Variants in FHIT observed in about 807,000 individuals in gnomAD.
FHIT encodes fragile histidine triad diadenosine triphosphatase, also known as bis(5'-adenosyl)-triphosphatase.
A neutral mutation model predicts 17.9 loss-of-function variants in FHIT; 19 were observed. That is an observed-to-expected ratio of 1.06 (90% CI 0.74 to 1.56). The LOEUF is 1.56. Among genes scored for constraint, FHIT ranks in the 40% most tolerant of loss-of-function variants. The pLI, the probability that FHIT is intolerant of heterozygous loss-of-function variation, is 0.00. For missense variants in FHIT, 248 were observed against 189.2 expected (o/e 1.31, Z -1.82); for synonymous variants, 81 against 69.7 (o/e 1.16, Z -0.81).
intron 4 of FHIT, among the ~76,000 whole-genome samples, chr3:60,653,017 T>C (rs2040032128): frequency 6.6e-6 from 1 of 152,154 alleles, no homozygotes; most frequent in African/African-American, 2.4e-5. Flanking sequence ...ACTGAAACTC[T>C]TCAAGCTTGC....
intron 5 of FHIT, among the ~76,000 whole-genome samples, chr3:60,532,673 A>G (rs1388255682): frequency 4.6e-5 from 7 of 152,224 alleles, no homozygotes; most frequent in African/African-American, 1.7e-4. Context: ...GGCTTTAAAC[A>G]GTGTTGGCAA....
At chr3:60,250,821 T>G (rs1705669670) in intron 5 of FHIT, among the ~76,000 whole-genome samples, 2 of 152,316 alleles carry the variant, frequency 1.3e-5, no homozygotes, top group African/African-American at 4.8e-5. Flanking sequence ...TTGGTTTTGC[T>G]GCCTGCTAAG....
chr3:60,152,489 C>G (rs143179868), intron 5 of FHIT, among the ~76,000 whole-genome samples: 5 of 152,252 alleles, frequency 3.3e-5, no homozygotes, highest in African/African-American at 1.2e-4. Flanking sequence ...GTATGAATAC[C>G]TAAGACATGT....
chr3:60,672,527 C>T (rs1235267711), intron 4 of FHIT, among the ~76,000 whole-genome samples: 1 of 152,168 alleles, frequency 6.6e-6, no homozygotes, highest in East Asian at 1.9e-4. Flanking sequence ...GATGGAATGT[C>T]ATCAGTTAAG....
intron 2 of FHIT, among the ~76,000 whole-genome samples, chr3:61,138,469 T>A (rs1351557446): frequency 2.0e-5 from 3 of 152,244 alleles, no homozygotes; most frequent in African/African-American, 4.8e-5. Flanking sequence ...TTTCACCTCA[T>A]GGCCCTGAGC....
intron 4 of FHIT, among the ~76,000 whole-genome samples, chr3:60,747,656 A>G (rs1054589107): frequency 1.3e-5 from 2 of 152,208 alleles, no homozygotes; most frequent in African/African-American, 2.4e-5. Flanking sequence ...GAAGGCAAAG[A>G]TTACTTTTAG....
chr3:59,763,755 C>T (rs1026535339), intron 8 of FHIT, among the ~76,000 whole-genome samples: 1 of 151,554 alleles, frequency 6.6e-6, no homozygotes, highest in Admixed American at 6.6e-5. Flanking sequence ...CAAGTGCAAA[C>T]ACCCCAAGGG....
At chr3:60,318,368 T>A (rs7636374) in intron 5 of FHIT, among the ~76,000 whole-genome samples, 1 of 151,934 alleles carries the variant, frequency 6.6e-6, no homozygotes, top group Non-Finnish European at 1.5e-5. Context: ...AAGAGTGAAA[T>A]AGAAATCAAC....
intron 2 of FHIT, among the ~76,000 whole-genome samples, chr3:61,068,554 C>T (rs950365011): frequency 2.0e-5 from 3 of 152,084 alleles, no homozygotes; most frequent in African/African-American, 7.2e-5. Flanking sequence ...TCAGGAGAAT[C>T]CCCCCATCTC....
chr3:61,223,405 T>G (rs2039890124), intron 1 of FHIT, among the ~76,000 whole-genome samples: 1 of 152,056 alleles, frequency 6.6e-6, no homozygotes, highest in Non-Finnish European at 1.5e-5. Context: ...CACCCTCATG[T>G]CCCCCAGCAC....
intron 8 of FHIT, among the ~76,000 whole-genome samples, chr3:59,759,688 C>G (rs1418062228): frequency 6.6e-6 from 1 of 152,144 alleles, no homozygotes; most frequent in African/African-American, 2.4e-5. Context: ...TGCTTTCATG[C>G]TTCTGGCACC....
intron 2 of FHIT, among the ~76,000 whole-genome samples, chr3:61,061,470 C>T (rs1409401134): frequency 6.6e-6 from 1 of 151,488 alleles, no homozygotes; most frequent in Non-Finnish European, 1.5e-5. Context: ...CTCTGGATGC[C>T]TAGGGTAAAT....
At chr3:60,704,004 A>G (rs1553702860) in intron 4 of FHIT, among the ~76,000 whole-genome samples, 1 of 151,864 alleles carries the variant, frequency 6.6e-6, no homozygotes, top group Non-Finnish European at 1.5e-5. Context: ...TTTAAAAAAA[A>G]TCTAGCCGTA....
At chr3:60,430,840 C>A (rs1702860934) in intron 5 of FHIT, among the ~76,000 whole-genome samples, 1 of 151,982 alleles carries the variant, frequency 6.6e-6, no homozygotes, top group Non-Finnish European at 1.5e-5. Flanking sequence ...GAGATTAAGC[C>A]AATAGTTGCA....
intron 2 of FHIT, among the ~76,000 whole-genome samples, chr3:61,113,388 A>G (rs1183607537): frequency 6.6e-6 from 1 of 152,182 alleles, no homozygotes; most frequent in Non-Finnish European, 1.5e-5. Context: ...TCATAGAGTT[A>G]TATTATACAA....
intron 5 of FHIT, among the ~76,000 whole-genome samples, chr3:60,513,877 C>A (rs138866701): frequency 6.6e-6 from 1 of 152,104 alleles, no homozygotes; most frequent in Non-Finnish European, 1.5e-5. Context: ...CCAAACCCCA[C>A]GCTCCATGAG....
At chr3:60,873,826 AAGCCCTTTACAATATTT>A (rs1553755659) in intron 3 of FHIT, among the ~76,000 whole-genome samples, 22 of 152,324 alleles carry the variant, frequency 1.4e-4, no homozygotes. Flanking sequence ...TTCAACAGCA[AAGCCCTTTACAATATTT>A]AGATAAACTT....
chr3:60,804,046 T>C (rs929597209), intron 4 of FHIT, among the ~76,000 whole-genome samples: 3 of 152,182 alleles, frequency 2.0e-5, no homozygotes, highest in Non-Finnish European at 4.4e-5. Flanking sequence ...AAGCTCCATT[T>C]TGAGGCAGTA....
chr3:59,785,990 C>T (rs1699270256), intron 8 of FHIT, among the ~76,000 whole-genome samples: 1 of 152,170 alleles, frequency 6.6e-6, no homozygotes, highest in South Asian at 2.1e-4. Flanking sequence ...GCTCTGAGAT[C>T]ATGTCTGTTG....
Sources: gnomAD v4.1 joint callset for allele counts (sites outside exome capture counted in the v4.1 genomes callset) on GRCh38, gnomAD v4.1.1 for gene constraint, MANE v1.5 for transcripts, NCBI Gene and HGNC (gene_info 2026-07-23, HGNC 2026-07-21) for gene names.